Variants in DENND2C observed in about 807,000 individuals in gnomAD.
DENND2C encodes the protein DENN domain containing 2C.
In DENND2C, 72 loss-of-function variants were observed where a neutral mutation model predicts 112.4. That is an observed-to-expected ratio of 0.64 (90% CI 0.53 to 0.78). DENND2C has a LOEUF of 0.78. Among genes scored for constraint, DENND2C ranks in the 30% least tolerant of loss-of-function variants. The probability of loss-of-function intolerance (pLI) is 0.00; values close to 1 mark genes in which losing one functional copy is unlikely to be tolerated. For synonymous variants in DENND2C, 329 were observed against 381.6 expected, an observed-to-expected ratio of 0.86 and a Z score of 1.61; for missense variants, 992 against 1,113.8, an observed-to-expected ratio of 0.89 and a Z score of 1.56.
chr1:114,623,902 C>CT (rs1345924063), intron 4 of DENND2C, among the ~76,000 whole-genome samples: 1 of 152,024 alleles, frequency 6.6e-6, no homozygotes, highest in Non-Finnish European at 1.5e-5. Context: ...ATGCTCAGCT[C>CT]TTTTTTGTGT....
chr1:114,652,357 C>T (rs1192301685), intron 2 of DENND2C, among the ~76,000 whole-genome samples: 3 of 152,164 alleles, frequency 2.0e-5, no homozygotes, highest in Non-Finnish European at 4.4e-5. Flanking sequence ...ACATGCACTG[C>T]AATAATGTGA....
At chr1:114,668,934 A>G (rs1452101903) in intron 1 of DENND2C, among the ~76,000 whole-genome samples, 1 of 152,228 alleles carries the variant, frequency 6.6e-6, no homozygotes, top group Non-Finnish European at 1.5e-5. Flanking sequence ...AGATTATTTG[A>G]TTGCTACAGA....
intron 2 of DENND2C, among the ~76,000 whole-genome samples, chr1:114,652,440 T>C (rs934180116): frequency 6.6e-6 from 1 of 152,062 alleles, no homozygotes; most frequent in East Asian, 1.9e-4. Flanking sequence ...GGGCAGGCTA[T>C]AGTTCTCTTC....
At chr1:114,611,596 GGTGCCTCTAA>G (rs774355533) in intron 8 of DENND2C, among the ~76,000 whole-genome samples, 2 of 152,120 alleles carry the variant, frequency 1.3e-5, no homozygotes, top group African/African-American at 4.8e-5. Context: ...CCTCTTCTAT[GGTGCCTCTAA>G]GTGCCTCTAA....
intron 16 of DENND2C, among the ~76,000 whole-genome samples, chr1:114,597,440 A>C (rs561759575): frequency 6.7e-6 from 1 of 149,916 alleles, no homozygotes; most frequent in Non-Finnish European, 1.5e-5. Flanking sequence ...GTGAGACTTC[A>C]TCTCAAAAAG....
At chr1:114,639,093 T>A (rs891829290) in intron 3 of DENND2C, among the ~76,000 whole-genome samples, 8 of 152,090 alleles carry the variant, frequency 5.3e-5, no homozygotes, top group Admixed American at 1.3e-4. Context: ...ATGCACACCA[T>A]CCTGAGTCAC....
At chr1:114,628,770 A>G (rs1328477164) in intron 3 of DENND2C, among the ~76,000 whole-genome samples, 2 of 152,222 alleles carry the variant, frequency 1.3e-5, no homozygotes, top group Admixed American at 1.3e-4. Context: ...TAACCTAATT[A>G]TATTCTGAGC....
intron 18 of DENND2C, among the ~76,000 whole-genome samples, chr1:114,588,287 T>G (rs1244518150): frequency 6.6e-6 from 1 of 152,220 alleles, no homozygotes; most frequent in Non-Finnish European, 1.5e-5. Context: ...TCCTTTAAGC[T>G]CCATGCTGCA....
chr1:114,586,174 T>C (rs1397377400), intron 20 of DENND2C, among the ~76,000 whole-genome samples: 1 of 152,216 alleles, frequency 6.6e-6, no homozygotes, highest in Non-Finnish European at 1.5e-5. Flanking sequence ...TCTTGTATCA[T>C]ACTAATTAAC....
At chr1:114,635,227 G>C (rs1047894747) in intron 3 of DENND2C, among the ~76,000 whole-genome samples, 1 of 151,974 alleles carries the variant, frequency 6.6e-6, no homozygotes, top group East Asian at 1.9e-4. Flanking sequence ...ACTGAAATTT[G>C]AGTGTCATCA....
intron 3 of DENND2C, among the ~76,000 whole-genome samples, chr1:114,639,866 A>G (rs192148428): frequency 1.3e-5 from 2 of 152,076 alleles, no homozygotes; most frequent in Admixed American, 6.6e-5. Context: ...CTGCCTTTTT[A>G]ATTCTATCAA....
chr1:114,626,120 T>C lies in DENND2C; in HGVS notation c.-136A>G. 3 of 977,828 alleles carry C rather than the reference T, an allele frequency of 3.1e-6. No homozygotes were observed. The Admixed American group carries it at 9.4e-5, about 31-fold the overall frequency. 60.6% of individuals were successfully genotyped at this position (977,828 alleles called of 1,614,324 possible). A position where few individuals can be genotyped will look rare whatever the true frequency, so the allele number is the denominator to read the frequency against. ...TCCCTTCATGTTTAACTTGTAAATC[T>C]CTTTGTAAAAAGAAAATTTTGATCA... On this transcript the variant is annotated 5_prime_UTR_variant, in exon 4 of 21. Transcript: ENST00000393274.
intron 7 of DENND2C, among the ~76,000 whole-genome samples, chr1:114,620,026 C>T (rs1656120233): frequency 6.6e-6 from 1 of 152,050 alleles, no homozygotes; most frequent in Non-Finnish European, 1.5e-5. Context: ...CAGGCTTCCA[C>T]AGCAGGGAAG....
chr1:114,631,735 T>C (rs1304273738), intron 3 of DENND2C, among the ~76,000 whole-genome samples: 2 of 152,004 alleles, frequency 1.3e-5, no homozygotes, highest in Non-Finnish European at 2.9e-5. Flanking sequence ...TGAGCCGAGA[T>C]TGTGACACTG....
chr1:114,608,893 A>C lies in DENND2C; in HGVS notation c.1370-20T>G, dbSNP rs199740401. 63 of 1,613,426 alleles carry C rather than the reference A, an allele frequency of 3.9e-5. No homozygotes were observed. Among genetic ancestry groups the C allele is most frequent in the Non-Finnish European group, 1.9e-5 (22 of 1,179,892 alleles). Reference sequence around the variant, plus strand: ...GGCGATCTGTAATGAAATCATGGAGAAATGTTTTTTTCTCTGTAGCCCTAC... The same window carrying C: ...GGCGATCTGTAATGAAATCATGGAGCAATGTTTTTTTCTCTGTAGCCCTAC... On this transcript the variant is annotated intron_variant, in intron 9 of 20. Transcript: ENST00000393274.
intron 16 of DENND2C, among the ~76,000 whole-genome samples, chr1:114,597,452 AAAGAG>A: frequency 6.6e-6 from 1 of 151,656 alleles, no homozygotes; most frequent in South Asian, 2.1e-4. Context: ...CTCAAAAAGA[AAAGAG>A]AAGAAAAGGA....
At chr1:114,665,985 C>T (rs1165090658) in intron 1 of DENND2C, among the ~76,000 whole-genome samples, 1 of 152,086 alleles carries the variant, frequency 6.6e-6, no homozygotes, top group African/African-American at 2.4e-5. Context: ...CTTGAATGCT[C>T]CAAAGACAAT....
intron 8 of DENND2C, 144 bp from the exon 9 acceptor site, chr1:114,611,261 A>T: frequency 1.2e-6 from 1 of 861,182 alleles, no homozygotes; most frequent in Non-Finnish European, 1.8e-6. Flanking sequence ...ACTTGGTTGT[A>T]TCAAGTTGGG....
intron 8 of DENND2C, 61 bp from the exon 9 acceptor site, chr1:114,611,178 A>G (rs1214077343): frequency 2.9e-5 from 47 of 1,594,028 alleles, no homozygotes; most frequent in Non-Finnish European, 3.8e-5. Context: ...CATGAGGATG[A>G]GAACAATGTA....
Sources: allele counts gnomAD v4.1 joint callset (sites outside exome capture counted in the v4.1 genomes callset), GRCh38; gene constraint gnomAD v4.1.1; transcripts MANE v1.5; gene names NCBI Gene and HGNC (gene_info 2026-07-23, HGNC 2026-07-21).